The following IL11RA variants were observed in gnomAD, a reference collection of about 807,000 sequenced individuals.
The protein encoded by IL11RA is interleukin-11 receptor subunit alpha.
IL11RA carries 51 observed loss-of-function variants against 57.0 expected under a neutral mutation model. The ratio of observed to expected loss-of-function variants is 0.89; its 90% CI spans 0.71 to 1.13. The LOEUF (loss-of-function observed/expected upper bound fraction) is 1.13. IL11RA is among the 50% of genes most tolerant of loss of function. The pLI is 0.00. For synonymous variants in IL11RA, 199 were observed against 217.5 expected, an observed-to-expected ratio of 0.91 and a Z score of 0.75; for missense variants, 498 against 539.4, an observed-to-expected ratio of 0.92 and a Z score of 0.76.
chr9:34,659,002 G>A (rs1286316779), intron 8 of IL11RA, among the ~76,000 whole-genome samples: 1 of 152,002 alleles, frequency 6.6e-6, no homozygotes, highest in Non-Finnish European at 1.5e-5. Flanking sequence ...TCGGCTAACT[G>A]CAACCTCCAC....
rs920225288 is a variant in IL11RA, at chr9:34,657,218, AG to A, written c.446+72del. The A allele has an allele frequency of 8.7e-6, 14 of 1,607,398 alleles. No individual in the cohort carries two copies. The African/African-American group carries it at 1.9e-4, about 22-fold the overall frequency. ...CTGGTGCAATGTGGGTGTGGGAGGC[AG>A]GGAGGTAGGTTCTGAGGAAAGCCTC... On this transcript the variant is annotated intron_variant, in intron 5 of 12. Transcript: ENST00000441545.
intron 8 of IL11RA, among the ~76,000 whole-genome samples, chr9:34,659,088 C>G (rs1821403902): frequency 6.6e-6 from 1 of 152,082 alleles, no homozygotes; most frequent in East Asian, 1.9e-4. Flanking sequence ...CCATGCCTGG[C>G]TAATTTTTGT....
intron 1 of IL11RA, chr9:34,654,894 C>T (rs1047716946): frequency 5.9e-6 from 2 of 340,042 alleles, no homozygotes; most frequent in East Asian, 7.4e-5. Flanking sequence ...GCGCCAAGGG[C>T]AGTGGAGGGG....
intron 3 of IL11RA, chr9:34,655,958 A>T (rs1051708169): frequency 1.3e-5 from 6 of 467,800 alleles, no homozygotes; most frequent in Middle Eastern, 6.1e-4. Context: ...AGCAAAGGAG[A>T]ATCTTGCCAG....
rs1234773965 is a variant in IL11RA, at chr9:34,656,804, G to T, written c.227G>T (p.Gly76Val). Residue 76 changes from glycine (G) to valine (V), a missense_variant, in exon 4 of 13, where the codon GGG becomes GTG. By Grantham distance (109) the Gly-to-Val change is moderately radical. Coordinates refer to ENST00000441545, the MANE Select transcript of IL11RA (RefSeq NM_001142784.3). Reference protein sequence around the residue: ...KLLQGPDSGLGHELVLAQADS... With the variant: ...KLLQGPDSGLVHELVLAQADS... ...CTCCAGGGACCTGACTCTGGGCTAG[G>T]GCATGAACTGGTCCTGGCCCAGGCA... is the stretch of plus-strand genomic sequence containing the variant. The T allele has an allele frequency of 2.5e-6, 4 of 1,614,034 alleles. No individual in the cohort carries two copies. Among genetic ancestry groups the T allele is most frequent in the Non-Finnish European group, 3.4e-6 (4 of 1,180,020 alleles).
At chr9:34,655,480 C>A in intron 2 of IL11RA, 125 bp from the exon 3 acceptor site, 1 of 920,476 alleles carries the variant, frequency 1.1e-6, no homozygotes, top group Non-Finnish European at 1.8e-6. Context: ...CAGATTATAA[C>A]ATGATGCTTT....
rs1209201031 is a variant in IL11RA at position 34,658,681 on chromosome 9, A to G, written c.808A>G (p.Thr270Ala). 7.4e-6 allele frequency: 12 copies of G among 1,612,338 alleles called. No individual in the cohort carries two copies. Among genetic ancestry groups the G allele is most frequent in the Admixed American group, 1.7e-5 (1 of 60,006 alleles). ...TCCGGCGCAGCATCCAGCCTGGTCCACGGTGAGGCCTGGAGTGCGTCCCAA... is the reference window on the plus strand; with the variant it reads ...TCCGGCGCAGCATCCAGCCTGGTCCGCGGTGAGGCCTGGAGTGCGTCCCAA... ...YRPAQHPAWS[T>A]VEPAGLEEVI... is the part of the protein sequence containing the mutation. The change falls in exon 8 of 13, where the codon ACG (threonine) becomes GCG (alanine). Residue 270 changes from threonine to alanine, a missense_variant and splice_region_variant. By Grantham distance (58) the Thr-to-Ala change is moderately conservative. Transcript: ENST00000441545. This position sits in a 1 kb window ranked among gnomAD's most constrained non-coding sequence, Gnocchi z 4.0.
Position 34,655,301 on chromosome 9 carries a change from G to A in IL11RA, c.84G>A (p.Gln28=). The A allele has an allele frequency of 6.2e-7, 1 of 1,605,834 alleles. No individual in the cohort carries two copies. Among genetic ancestry groups the A allele is most frequent in the East Asian group, 2.2e-5 (1 of 44,724 alleles). Residue 28 remains glutamine, a synonymous_variant, in exon 2 of 13, where the codon CAG becomes CAA. Transcript: ENST00000441545. The stretch of plus-strand genomic sequence containing the variant: ...TGTCTGCCTCCTCCCCCTGCCCCCA[G>A]GCCTGGGGCCCCCCAGGTGAGAAGA... The part of the protein sequence containing the change: ...ALVSASSPCP[Q]AWGPPGVQYG...
chr9:34,652,996 G>A (rs537473268), intron 1 of IL11RA, among the ~76,000 whole-genome samples: 51 of 152,156 alleles, frequency 3.4e-4, no homozygotes, highest in Admixed American at 9.2e-4. Flanking sequence ...TCTCTGTGTG[G>A]GTGCATTTCC....
intron 7 of IL11RA, among the ~76,000 whole-genome samples, chr9:34,657,803 G>A (rs1184275243): frequency 2.0e-5 from 3 of 152,180 alleles, no homozygotes; most frequent in Non-Finnish European, 2.9e-5. Flanking sequence ...TACCCACACT[G>A]CCTGATTGGC....
intron 7 of IL11RA, 60 bp downstream of exon 7, chr9:34,657,647 G>C: frequency 6.6e-7 from 1 of 1,519,780 alleles, no homozygotes. Flanking sequence ...AATGGACTCA[G>C]ATCTCTCCAC....
chr9:34,659,973 G>T, intron 9 of IL11RA, 73 bp downstream of exon 9: 6 of 1,571,448 alleles, frequency 3.8e-6, no homozygotes, highest in Non-Finnish European at 5.2e-6. Flanking sequence ...AGTTCCAAAA[G>T]ACAGGCAGGT....
At chr9:34,654,743 G>T (rs1001918221) in intron 1 of IL11RA, among the ~76,000 whole-genome samples, 1 of 152,168 alleles carries the variant, frequency 6.6e-6, no homozygotes, top group Admixed American at 6.5e-5. Flanking sequence ...TTCCCCCAGG[G>T]TGATAAGGTC....
Position 34,655,216 on chromosome 9 carries a change from A to G in IL11RA, c.1-2A>G. The stretch of plus-strand genomic sequence containing the variant: ...GATTTTTGACTCTACCTCTCCCCAC[A>G]GATGAGCAGCAGCTGCTCAGGGCTG... On this transcript the variant is annotated splice_acceptor_variant, in intron 1 of 12. Coordinates refer to ENST00000441545, the MANE Select transcript of IL11RA (RefSeq NM_001142784.3). LOFTEE classifies it low-confidence loss of function (5UTR_SPLICE). 6.2e-7 allele frequency: 1 copy of G among 1,604,778 alleles called. No homozygotes were observed. The highest frequency in any genetic ancestry group is 8.5e-7 in the Non-Finnish European group (1 of 1,172,982).
intron 1 of IL11RA, chr9:34,654,982 GGTGTGTGTGTCCGTGTGTGT>G (rs1009292077): frequency 9.8e-6 from 5 of 507,758 alleles, no homozygotes; most frequent in Admixed American, 6.3e-5. Flanking sequence ...GGTGTGAGGG[GGTGTGTGTGTCCGTGTGTGT>G]GTGTGTGTGT....
intron 8 of IL11RA, among the ~76,000 whole-genome samples, chr9:34,659,434 A>T (rs1461114522): frequency 6.6e-6 from 1 of 152,188 alleles, no homozygotes; most frequent in African/African-American, 2.4e-5. Context: ...CACTTTTTGC[A>T]TACATTGTTT....
chr9:34,660,175 G>A (rs1821424845), intron 9 of IL11RA, 99 bp from the exon 10 acceptor site: 3 of 1,570,586 alleles, frequency 1.9e-6, no homozygotes, highest in Admixed American at 3.3e-5. Flanking sequence ...CCTCCTCCTA[G>A]GTACCTTGAC....
At chr9:34,657,667 T>C (rs1821374782) in intron 7 of IL11RA, 80 bp downstream of exon 7, 4 of 1,340,238 alleles carry the variant, frequency 3.0e-6, no homozygotes, top group Non-Finnish European at 4.2e-6. Flanking sequence ...CTCCCAGAGT[T>C]CCCAGTTTCC....
In IL11RA at chr9:34,656,783, AG is replaced by A. The variant is rs1173381080; in HGVS notation, c.209del (p.Gly70AspfsTer6). 1 of 1,614,218 alleles carries A rather than the reference AG, an allele frequency of 6.2e-7. No homozygotes were observed. Among genetic ancestry groups the A allele is most frequent in the Non-Finnish European group, 8.5e-7 (1 of 1,180,040 alleles). ...CGGGATGGGGAGCCAAAGCTGCTCC[AG>A]GGACCTGACTCTGGGCTAGGGCATG... ...WFRDGEPKLL[Q>X]GPDSGLGHEL... On this transcript the variant is annotated frameshift_variant, in exon 4 of 13. Transcript: ENST00000441545. LOFTEE classifies it high-confidence loss of function.
Sources: allele counts gnomAD v4.1 joint callset (sites outside exome capture counted in the v4.1 genomes callset), GRCh38; gene constraint gnomAD v4.1.1; non-coding constraint Gnocchi (gnomAD v3.1); transcripts MANE v1.5; gene names NCBI Gene and HGNC (gene_info 2026-07-23, HGNC 2026-07-21).